Variants in GRID2 observed in about 807,000 individuals in gnomAD.
GRID2 encodes the protein glutamate receptor ionotropic, delta-2.
Under a neutral mutation model 114.8 loss-of-function variants are expected in GRID2, and 33 were observed. The ratio of observed to expected loss-of-function variants is 0.29; its 90% CI spans 0.22 to 0.38. GRID2 has a LOEUF of 0.38. GRID2 is among the 10% of genes least tolerant of loss of function. The pLI is 1.00. For missense variants in GRID2, 1,184 were observed against 1,257.7 expected (o/e 0.94, Z 0.89); for synonymous variants, 505 against 449.9 (o/e 1.12, Z -1.55).
intron 2 of GRID2, among the ~76,000 whole-genome samples, chr4:92,797,277 A>G (rs1739927233): frequency 6.6e-6 from 1 of 151,982 alleles, no homozygotes; most frequent in Non-Finnish European, 1.5e-5. Context: ...TATCATGCAT[A>G]TTTTACTAGA....
At chr4:92,961,590 G>T (rs1752817716) in intron 2 of GRID2, among the ~76,000 whole-genome samples, 1 of 150,804 alleles carries the variant, frequency 6.6e-6, no homozygotes, top group South Asian at 2.1e-4. Context: ...TTTCTCTCAG[G>T]ATTTTTGTTT....
At chr4:92,522,602 G>A (rs925127777) in intron 1 of GRID2, among the ~76,000 whole-genome samples, 1 of 152,046 alleles carries the variant, frequency 6.6e-6, no homozygotes, top group African/African-American at 2.4e-5. Flanking sequence ...CAGCAACGCT[G>A]CTAGTAGTGG....
At chr4:93,469,767 C>A (rs1336346346) in intron 11 of GRID2, among the ~76,000 whole-genome samples, 3 of 152,028 alleles carry the variant, frequency 2.0e-5, no homozygotes, top group Non-Finnish European at 4.4e-5. Flanking sequence ...ATGTACAGTT[C>A]TTCTATTAGG....
rs552359581 is a variant in GRID2 at position 93,337,092 on chromosome 4, T to C, written c.1246-58515T>C. 1.1e-4 allele frequency among the ~76,000 whole-genome samples: 17 copies of C among 152,332 alleles called. 1 individual carries two copies. In the East Asian group the frequency reaches 3.3e-3, roughly 29 times the overall value. ...GTATTAAGTGTTAAGCCACAATTCTTGTAATTTTATAACATTCCATAGAGA... is the reference window on the plus strand; with the variant it reads ...GTATTAAGTGTTAAGCCACAATTCTCGTAATTTTATAACATTCCATAGAGA... On this transcript the variant is annotated intron_variant, in intron 8 of 15. Transcript: ENST00000282020.
intron 2 of GRID2, among the ~76,000 whole-genome samples, chr4:92,751,253 C>A (rs916665596): frequency 6.6e-6 from 1 of 151,564 alleles, no homozygotes; most frequent in Non-Finnish European, 1.5e-5. Context: ...CAAAAAGATA[C>A]GTAGATTAAA....
chr4:92,942,061 G>A (rs1036760621), intron 2 of GRID2, among the ~76,000 whole-genome samples: 2 of 152,284 alleles, frequency 1.3e-5, no homozygotes, highest in South Asian at 4.1e-4. Context: ...TTGGGGTGGA[G>A]CGTTCTGTAG....
At chr4:93,180,986 T>A (rs1269904620) in intron 4 of GRID2, among the ~76,000 whole-genome samples, 1 of 152,198 alleles carries the variant, frequency 6.6e-6, no homozygotes, top group Non-Finnish European at 1.5e-5. Flanking sequence ...ATGAATATTC[T>A]TAATGGCATG....
At chr4:93,164,828 TAAAG>T (rs1738093607) in intron 4 of GRID2, 2 of 354,420 alleles carry the variant, frequency 5.6e-6, no homozygotes, top group Admixed American at 6.1e-5. Context: ...TTGGAGTAAA[TAAAG>T]TAAGCTTTGA....
intron 13 of GRID2, among the ~76,000 whole-genome samples, chr4:93,596,769 C>T (rs1035045738): frequency 8.5e-5 from 13 of 152,162 alleles, no homozygotes; most frequent in African/African-American, 2.9e-4. Context: ...TGTGAAAACA[C>T]GATCTGTCTC....
At chr4:92,728,093 A>G (rs1579926423) in intron 2 of GRID2, among the ~76,000 whole-genome samples, 1 of 152,088 alleles carries the variant, frequency 6.6e-6, no homozygotes, top group African/African-American at 2.4e-5. Context: ...GGAACAGATC[A>G]TGTAAATCCT....
intron 14 of GRID2, among the ~76,000 whole-genome samples, chr4:93,734,846 T>A (rs1411537285): frequency 1.3e-5 from 2 of 152,188 alleles, no homozygotes; most frequent in South Asian, 2.1e-4. Context: ...GCACACAAAC[T>A]TTCATCCTTT....
chr4:92,472,186 GCCTCCC>G (rs1722078297), intron 1 of GRID2, among the ~76,000 whole-genome samples: 1 of 61,010 alleles, frequency 1.6e-5, no homozygotes, highest in African/African-American at 9.7e-5. Context: ...GCCCGCCTCG[GCCTCCC>G]AAAGTGCTGG....
chr4:93,167,574 A>C (rs1194772621), intron 4 of GRID2, among the ~76,000 whole-genome samples: 12 of 152,158 alleles, frequency 7.9e-5, no homozygotes, highest in Admixed American at 7.9e-4. Context: ...CCAACAGAAA[A>C]TGGCAAGAAA....
intron 8 of GRID2, among the ~76,000 whole-genome samples, chr4:93,262,335 A>G (rs889700059): frequency 6.6e-6 from 1 of 151,940 alleles, no homozygotes; most frequent in Non-Finnish European, 1.5e-5. Context: ...ACCAAATGCA[A>G]ATAAGCCTGT....
At chr4:92,922,533 A>C (rs965282584) in intron 2 of GRID2, among the ~76,000 whole-genome samples, 2 of 152,144 alleles carry the variant, frequency 1.3e-5, no homozygotes, top group African/African-American at 4.8e-5. Context: ...TTAATGTAAA[A>C]ATGAACTGCT....
chr4:92,884,072 T>G (rs1423089426), intron 2 of GRID2, among the ~76,000 whole-genome samples: 1 of 152,192 alleles, frequency 6.6e-6, no homozygotes, highest in Non-Finnish European at 1.5e-5. Context: ...AAAAATCGGT[T>G]TAGCCACTTC....
chr4:93,552,445 G>T (rs1733855613), intron 13 of GRID2, among the ~76,000 whole-genome samples: 1 of 152,122 alleles, frequency 6.6e-6, no homozygotes, highest in Non-Finnish European at 1.5e-5. Flanking sequence ...GATCCCTGAA[G>T]AATCGCCACA....
At position 92,482,116 on chromosome 4, in the gene GRID2, A is replaced by G. The variant is rs114546006; in HGVS notation, c.89-108015A>G. 9.4e-3 allele frequency among the ~76,000 whole-genome samples: 1,390 copies of G among 148,594 alleles called. 23 individuals carry two copies. The highest frequency in any genetic ancestry group is 0.033 in the African/African-American group (1,328 of 40,438). ...ATATATCTATATTTATATATATACT[A>G]TGGAATACTACACAGCCATAAAAAA... On this transcript the variant is annotated intron_variant, in intron 1 of 15. Transcript: ENST00000282020.
intron 14 of GRID2, among the ~76,000 whole-genome samples, chr4:93,768,832 TACA>T (rs1733885970): frequency 6.6e-6 from 1 of 152,280 alleles, no homozygotes; most frequent in East Asian, 1.9e-4. Flanking sequence ...GACACAGAAC[TACA>T]ACAACTTGAA....
Sources: allele counts gnomAD v4.1 joint callset (sites outside exome capture counted in the v4.1 genomes callset), GRCh38; gene constraint gnomAD v4.1.1; transcripts MANE v1.5; gene names NCBI Gene and HGNC (gene_info 2026-07-23, HGNC 2026-07-21).